Variants in NALCN observed in about 807,000 individuals in gnomAD.
The protein encoded by NALCN is sodium leak channel NALCN.
Under a neutral mutation model 225.3 loss-of-function variants are expected in NALCN, and 111 were observed. The ratio of observed to expected loss-of-function variants is 0.49; its 90% CI spans 0.42 to 0.58. The LOEUF is 0.58. NALCN is among the 20% of genes least tolerant of loss of function. The pLI is 0.00. For missense variants in NALCN, 1,378 were observed against 2,202.4 expected (o/e 0.63, Z 7.49); for synonymous variants, 764 against 769.0 (o/e 0.99, Z 0.11).
rs10560892 is a variant in NALCN, at chr13:101,345,737, AATATATATATATATATATAT to A, written c.645-337_645-318del. Among the ~76,000 whole-genome samples the A allele has an allele frequency of 4.6e-5, 4 of 86,652 alleles. 1 individual carries two copies. The highest frequency in any genetic ancestry group is 9.6e-4 in the South Asian group (2 of 2,086). The allele number at this position is 86,652 out of a possible 152,430, so 56.8% of individuals were successfully genotyped here. A position where few individuals can be genotyped will look rare whatever the true frequency, so the allele number is the denominator to read the frequency against. On this transcript the variant is annotated intron_variant, in intron 6 of 43. Transcript: ENST00000251127. The stretch of plus-strand genomic sequence containing the variant: ...ATCTATCTAAGAGTACAGCAAAGAG[AATATATATATATATATATAT>A]ATATATATATATATTTAGAGAGGGA...
At chr13:101,230,705 G>C (rs915020553) in intron 12 of NALCN, among the ~76,000 whole-genome samples, 1 of 152,172 alleles carries the variant, frequency 6.6e-6, no homozygotes, top group African/African-American at 2.4e-5. Context: ...ACCATGGGGG[G>C]CACAGCCACC....
chr13:101,334,683 A>C (rs7995691), intron 7 of NALCN, among the ~76,000 whole-genome samples: 102,035 of 152,090 alleles, frequency 0.67, 36,038 homozygotes, highest in African/African-American at 0.89. Flanking sequence ...TGTGCATATC[A>C]TTTCACCCAG....
intron 16 of NALCN, 147 bp from the exon 17 acceptor site, chr13:101,143,368 G>T: frequency 1.4e-6 from 1 of 736,546 alleles, no homozygotes; most frequent in Non-Finnish European, 2.0e-6. Flanking sequence ...TATTTCATTA[G>T]CAACAGCTTC....
chr13:101,063,007 C>T (rs1409466924), intron 40 of NALCN, among the ~76,000 whole-genome samples: 5 of 152,244 alleles, frequency 3.3e-5, no homozygotes, highest in Non-Finnish European at 7.3e-5. Flanking sequence ...GTAAAGCCAA[C>T]ACAGCATTAC....
chr13:101,110,543 G>C, intron 20 of NALCN, 76 bp downstream of exon 20: 1 of 1,449,794 alleles, frequency 6.9e-7, no homozygotes, highest in Non-Finnish European at 9.7e-7. Context: ...AAAGACACTG[G>C]GCATTGTCTA....
intron 7 of NALCN, among the ~76,000 whole-genome samples, chr13:101,341,669 C>T (rs977933106): frequency 3.3e-5 from 5 of 152,120 alleles, no homozygotes; most frequent in Admixed American, 6.5e-5. Flanking sequence ...AATTATGACT[C>T]ATCTTTGAAA....
rs143906070 is a variant in NALCN at position 101,121,062 on chromosome 13, T to C, written c.2192+3546A>G. 2.7e-3 allele frequency among the ~76,000 whole-genome samples: 408 copies of C among 152,312 alleles called. 1 individual carries two copies. Among genetic ancestry groups the C allele is most frequent in the African/African-American group, 9.3e-3 (385 of 41,578 alleles). On this transcript the variant is annotated intron_variant, in intron 18 of 43. Transcript: ENST00000251127. ...TAAGTATTAAATTTTGCTTGGTCAA[T>C]AGATTATTCAGACAATCTTTTTAAG... is the stretch of plus-strand genomic sequence containing the variant.
intron 43 of NALCN, among the ~76,000 whole-genome samples, chr13:101,056,419 G>A (rs1318842311): frequency 5.3e-5 from 8 of 151,444 alleles, no homozygotes; most frequent in East Asian, 1.9e-4. Context: ...CACCACTACC[G>A]GTCAGCTAAT....
chr13:101,257,209 G>T (rs202216402), intron 11 of NALCN, among the ~76,000 whole-genome samples: 75 of 121,030 alleles, frequency 6.2e-4, no homozygotes, highest in Middle Eastern at 5.0e-3. Context: ...ATTGTTTATT[G>T]TTTTTTTTTT....
At chr13:101,072,484 T>C (rs1327974655) in intron 37 of NALCN, among the ~76,000 whole-genome samples, 1 of 152,248 alleles carries the variant, frequency 6.6e-6, no homozygotes, top group African/African-American at 2.4e-5. Context: ...GAGAGAACTT[T>C]CTGGTTTTTC....
chr13:101,125,005 G>A (rs1400898160), intron 17 of NALCN, among the ~76,000 whole-genome samples: 2 of 152,032 alleles, frequency 1.3e-5, no homozygotes, highest in Non-Finnish European at 2.9e-5. Flanking sequence ...TTTGATTAGC[G>A]CAATGTTCTC....
At chr13:101,182,031 G>C (rs2039252816) in intron 14 of NALCN, among the ~76,000 whole-genome samples, 1 of 151,076 alleles carries the variant, frequency 6.6e-6, no homozygotes, top group African/African-American at 2.4e-5. Context: ...TTACTCCGGA[G>C]GCTGAGGCAG....
chr13:101,058,055 G>C lies in NALCN; in HGVS notation c.4907C>G (p.Thr1636Arg), dbSNP rs1239216718. Residue 1636 changes from threonine to arginine, a missense_variant and splice_region_variant, in exon 43 of 44, where the codon ACA becomes AGA. By Grantham distance (71) the Thr-to-Arg change is moderately conservative. Transcript: ENST00000251127. ...GCTCAGGAGCTGCTGCTGGCTGCTT[G>C]TCTGCATGGGAGGAGAAGCACACAG... ...NSQDNSMQPE[T>R]SSQQQLLSPT... 1 of 1,611,450 alleles carries C rather than the reference G, an allele frequency of 6.2e-7. No individual in the cohort carries two copies. Among genetic ancestry groups the C allele is most frequent in the African/African-American group, 1.3e-5 (1 of 74,892 alleles).
In NALCN at chr13:101,107,570, G is replaced by A. The variant is rs545583748; in HGVS notation, c.2496C>T (p.Tyr832=). The change falls in exon 22 of 44, where the codon TAC becomes TAT. Residue 832 remains tyrosine, a synonymous_variant. Transcript: ENST00000251127. ...CGACAATGAACAGTGGCTTATCGAAGTATGGGTGGTTCTCTCTGAGTTCCT... is the reference window on the plus strand; with the variant it reads ...CGACAATGAACAGTGGCTTATCGAAATATGGGTGGTTCTCTCTGAGTTCCT... The part of the protein sequence containing the change: ...QEEELRENHP[Y]FDKPLFIVGR... 6.2e-7 allele frequency: 1 copy of A among 1,614,156 alleles called. No homozygotes were observed. Among genetic ancestry groups the A allele is most frequent in the African/African-American group, 1.3e-5 (1 of 75,070 alleles).
chr13:101,213,394 C>T (rs1381490836), intron 13 of NALCN, among the ~76,000 whole-genome samples: 1 of 152,144 alleles, frequency 6.6e-6, no homozygotes, highest in Non-Finnish European at 1.5e-5. Flanking sequence ...TGGGCAAGGA[C>T]TTCATGAGTA....
At chr13:101,068,154 A>G in intron 38 of NALCN, 121 bp from the exon 39 acceptor site, 1 of 650,910 alleles carries the variant, frequency 1.5e-6, no homozygotes. Flanking sequence ...CCAAATTTTT[A>G]AAGTGCTTTT....
intron 7 of NALCN, among the ~76,000 whole-genome samples, chr13:101,330,557 C>A (rs1459656865): frequency 6.6e-6 from 1 of 152,226 alleles, no homozygotes; most frequent in Non-Finnish European, 1.5e-5. Flanking sequence ...AGAGTCTCCT[C>A]AGAGAAATCA....
At chr13:101,408,787 C>G (rs1244432483) in intron 1 of NALCN, among the ~76,000 whole-genome samples, 1 of 152,130 alleles carries the variant, frequency 6.6e-6, no homozygotes, top group Non-Finnish European at 1.5e-5. Context: ...CTGCAAAAAA[C>G]AGAATTTTGC....
At chr13:101,375,739 G>T (rs1161000173) in intron 6 of NALCN, among the ~76,000 whole-genome samples, 2 of 152,252 alleles carry the variant, frequency 1.3e-5, no homozygotes, top group African/African-American at 2.4e-5. Context: ...CCTATGTGAA[G>T]ATTTGAATAT....
Sources: gnomAD v4.1 joint callset for allele counts (sites outside exome capture counted in the v4.1 genomes callset) on GRCh38, gnomAD v4.1.1 for gene constraint, MANE v1.5 for transcripts, NCBI Gene and HGNC (gene_info 2026-07-23, HGNC 2026-07-21) for gene names.